Variants in DDX53 observed in about 807,000 individuals in gnomAD.
DDX53 encodes DEAD-box helicase 53.
For synonymous variants in DDX53, 179 were observed against 170.8 expected, an observed-to-expected ratio of 1.05 and a Z score of -0.37; for missense variants, 481 against 485.1, an observed-to-expected ratio of 0.99 and a Z score of 0.08.
In DDX53 at chrX:23,001,200, G is replaced by T. The variant is rs5925720; in HGVS notation, c.1143G>T (p.Met381Ile). 150,317 of 1,209,264 alleles carry T rather than the reference G, an allele frequency of 0.12. 7,139 individuals carry two copies. The highest frequency in any genetic ancestry group is 0.33 in the South Asian group (18,579 of 56,656). The change falls in exon 1 of 1, where the codon ATG (methionine) becomes ATT (isoleucine). Residue 381 changes from methionine to isoleucine, a missense_variant. Physicochemically the swap from Met to Ile is conservative, Grantham distance 10 (BLOSUM62 1). Coordinates refer to ENST00000327968, the MANE Select transcript of DDX53 (RefSeq NM_182699.4). ...TYLVIDEADKMLDMEFEPQIR... is the reference protein window; with the variant it reads ...TYLVIDEADKILDMEFEPQIR... Reference sequence around the variant, plus strand: ...TGGTTATAGATGAGGCAGATAAAATGCTGGATATGGAATTTGAACCCCAGA... The same window carrying T: ...TGGTTATAGATGAGGCAGATAAAATTCTGGATATGGAATTTGAACCCCAGA...
Position 23,000,869 on chromosome X carries a change from G to A in DDX53, c.812G>A (p.Gly271Glu), listed in dbSNP as rs1057518429. The A allele has an allele frequency of 2.5e-6, 3 of 1,209,401 alleles. No homozygotes were observed. The highest frequency in any genetic ancestry group is 2.2e-5 in the Admixed American group (1 of 45,697). ...ATAGTAGTTGCACAAACCGGAACAGGGAAAACATTGTCCTATCTAATGCCT... is the reference window on the plus strand; with the variant it reads ...ATAGTAGTTGCACAAACCGGAACAGAGAAAACATTGTCCTATCTAATGCCT... ...DLIVVAQTGT[G>E]KTLSYLMPGF... is the part of the protein sequence containing the mutation. Residue 271 changes from glycine (G) to glutamate (E), a missense_variant, in exon 1 of 1, where the codon GGG (glycine) becomes GAG (glutamate). Gly to Glu is a moderately conservative substitution (Grantham distance 98). Transcript: ENST00000327968.
Position 23,001,867 on chromosome X carries a change from T to C in DDX53, c.1810T>C (p.Tyr604His). The change falls in exon 1 of 1, where the codon TAC becomes CAC. Residue 604 changes from tyrosine to histidine, a missense_variant. Tyr to His is a moderately conservative substitution (Grantham distance 83). Transcript: ENST00000327968. ...PEDLVVMAEQ[Y>H]KLNQQKRHRE... ...AGATCTTGTAGTAATGGCTGAGCAA[T>C]ACAAGTTAAATCAACAAAAGAGGCA... is the stretch of plus-strand genomic sequence containing the variant. 1.7e-6 allele frequency: 2 copies of C among 1,210,274 alleles called. No individual in the cohort carries two copies. The highest frequency in any genetic ancestry group is 2.2e-6 in the Non-Finnish European group (2 of 894,957).
In DDX53 at chrX:23,002,651, C is replaced by G. The variant is rs971654630; in HGVS notation, c.*698C>G. The G allele has an allele frequency of 1.2e-4, 14 of 115,929 alleles. No individual in the cohort carries two copies. The highest frequency in any genetic ancestry group is 2.7e-4 in the Non-Finnish European group (14 of 51,620). The allele number at this position is 115,929 out of a possible 1,213,427, so 9.6% of individuals were successfully genotyped here. On this transcript the variant is annotated 3_prime_UTR_variant, in exon 1 of 1. Transcript: ENST00000327968. ...CGTGTCATGGGGGTTTATCAACTTT[C>G]AATATTGTGTATGTTCCTTAATTTT...
chrX:23,001,108 G>T lies in DDX53; in HGVS notation c.1051G>T (p.Ala351Ser), dbSNP rs1933803414. ...DISKGVDIII[A>S]TPGRLNDLQM... ...TAGCAAAGGTGTAGATATCATTATT[G>T]CAACTCCTGGGAGGCTGAATGACCT... is the stretch of plus-strand genomic sequence containing the variant. Residue 351 changes from alanine (A) to serine (S), a missense_variant, in exon 1 of 1, where the codon GCA (alanine) becomes TCA (serine). Physicochemically the swap from Ala to Ser is moderately conservative, Grantham distance 99 (BLOSUM62 1). Coordinates refer to ENST00000327968, the MANE Select transcript of DDX53 (RefSeq NM_182699.4). 1 of 1,208,029 alleles carries T rather than the reference G, an allele frequency of 8.3e-7. No individual in the cohort carries two copies. The highest frequency in any genetic ancestry group is 1.8e-5 in the African/African-American group (1 of 56,901).
In DDX53 at chrX:23,000,730, G is replaced by T. The variant is rs1933796007; in HGVS notation, c.673G>T (p.Asp225Tyr). 1 of 1,211,772 alleles carries T rather than the reference G, an allele frequency of 8.3e-7. No homozygotes were observed. Among genetic ancestry groups the T allele is most frequent in the Non-Finnish European group, 1.1e-6 (1 of 895,457 alleles). Residue 225 changes from aspartate (D) to tyrosine (Y), a missense_variant, in exon 1 of 1, where the codon GAC becomes TAC. Physicochemically the swap from Asp to Tyr is radical, Grantham distance 160. Transcript: ENST00000327968. Reference sequence around the variant, plus strand: ...TCCAAAACCAACTTGCAGGTTTAAAGACGCTTTTCAGCAATACCCTGATCT... The same window carrying T: ...TCCAAAACCAACTTGCAGGTTTAAATACGCTTTTCAGCAATACCCTGATCT... Reference protein sequence around the residue: ...LIPKPTCRFKDAFQQYPDLLK... With the variant: ...LIPKPTCRFKYAFQQYPDLLK...
Position 23,002,024 on chromosome X carries a change from G to A in DDX53, c.*71G>A. On this transcript the variant is annotated 3_prime_UTR_variant, in exon 1 of 1. Transcript: ENST00000327968. ...TGCAGTATTGAATATATGTAAGGAAGTATTGGAAACATACTAGCCATTTGA... is the reference window on the plus strand; with the variant it reads ...TGCAGTATTGAATATATGTAAGGAAATATTGGAAACATACTAGCCATTTGA... 2 of 892,552 alleles carry A rather than the reference G, an allele frequency of 2.2e-6. No homozygotes were observed. The highest frequency in any genetic ancestry group is 3.0e-6 in the Non-Finnish European group (2 of 657,157). 73.6% of individuals were successfully genotyped at this position (892,552 alleles called of 1,213,427 possible).
Position 23,001,551 on chromosome X carries a change from T to C in DDX53, c.1494T>C (p.His498=), listed in dbSNP as rs773992913. Reference sequence around the variant, plus strand: ...AAGGCATATCTGCAGAATCATTACATGGCAACAGTGAACAGAGTGATCAAG... The same window carrying C: ...AAGGCATATCTGCAGAATCATTACACGGCAACAGTGAACAGAGTGATCAAG... ...NIQGISAESL[H]GNSEQSDQER... Residue 498 remains histidine, a synonymous_variant, in exon 1 of 1, where the codon CAT becomes CAC. Coordinates refer to ENST00000327968, the MANE Select transcript of DDX53 (RefSeq NM_182699.4). The C allele has an allele frequency of 5.0e-5, 60 of 1,209,790 alleles. No homozygotes were observed. Among genetic ancestry groups the C allele is most frequent in the Non-Finnish European group, 6.3e-5 (56 of 895,092 alleles).
In DDX53 at chrX:23,001,918, G is replaced by A. The variant is rs1350097819; in HGVS notation, c.1861G>A (p.Gly621Arg). 4.2e-6 allele frequency: 5 copies of A among 1,195,756 alleles called. No homozygotes were observed. Among genetic ancestry groups the A allele is most frequent in the Non-Finnish European group, 5.6e-6 (5 of 890,219 alleles). ...RHRETRSRKP[G>R]QRRKEFYFLS is the part of the protein sequence containing the mutation. ...CAGAGAAACACGATCAAGAAAACCT[G>A]GACAAAGACGCAAGGAGTTTTATTT... The change falls in exon 1 of 1, where the codon GGA becomes AGA. Residue 621 changes from glycine to arginine, a missense_variant. Coordinates refer to ENST00000327968, the MANE Select transcript of DDX53 (RefSeq NM_182699.4).
Position 23,001,586 on chromosome X carries a change from T to C in DDX53, c.1529T>C (p.Val510Ala), listed in dbSNP as rs775466913. 1 of 1,210,570 alleles carries C rather than the reference T, an allele frequency of 8.3e-7. No individual in the cohort carries two copies. Among genetic ancestry groups the C allele is most frequent in the Non-Finnish European group, 1.1e-6 (1 of 894,987 alleles). ...NSEQSDQERAVEDFKSGNIKI... is the reference protein window; with the variant it reads ...NSEQSDQERAAEDFKSGNIKI... The stretch of plus-strand genomic sequence containing the variant: ...GAACAGAGTGATCAAGAGCGAGCAG[T>C]AGAGGACTTTAAAAGCGGAAACATA... Residue 510 changes from valine (V) to alanine (A), a missense_variant, in exon 1 of 1, where the codon GTA (valine) becomes GCA (alanine). Val to Ala is a moderately conservative substitution (Grantham distance 64). Coordinates refer to ENST00000327968, the MANE Select transcript of DDX53 (RefSeq NM_182699.4).
chrX:23,000,378 G>A lies in DDX53; in HGVS notation c.321G>A (p.Ala107=), dbSNP rs1933788570. 2.5e-6 allele frequency: 3 copies of A among 1,206,565 alleles called. No individual in the cohort carries two copies. The African/African-American group carries it at 5.3e-5, about 21-fold the overall frequency. The change falls in exon 1 of 1, where the codon GCG becomes GCA. Residue 107 remains alanine, a synonymous_variant. Transcript: ENST00000327968. ...GGGAAATGAAAGCAAAGGCCAAAGCGGCTATAGAAACACTTATTAGAAAAC... is the reference window on the plus strand; with the variant it reads ...GGGAAATGAAAGCAAAGGCCAAAGCAGCTATAGAAACACTTATTAGAAAAC... ...GNREMKAKAK[A]AIETLIRKQE...
Position 23,001,926 on chromosome X carries a change from A to C in DDX53, c.1869A>C (p.Arg623Ser), listed in dbSNP as rs779685021. The C allele has an allele frequency of 5.7e-5, 68 of 1,191,052 alleles. No homozygotes were observed. The highest frequency in any genetic ancestry group is 7.2e-5 in the Non-Finnish European group (64 of 888,380). ...RETRSRKPGQ[R>S]RKEFYFLS Reference sequence around the variant, plus strand: ...CACGATCAAGAAAACCTGGACAAAGACGCAAGGAGTTTTATTTTTTAAGTT... The same window carrying C: ...CACGATCAAGAAAACCTGGACAAAGCCGCAAGGAGTTTTATTTTTTAAGTT... The change falls in exon 1 of 1, where the codon AGA (arginine) becomes AGC (serine). Residue 623 changes from arginine to serine, a missense_variant. Coordinates refer to ENST00000327968, the MANE Select transcript of DDX53 (RefSeq NM_182699.4).
In DDX53 at chrX:23,001,069, C is replaced by A; in HGVS notation, c.1012C>A (p.Gln338Lys). The change falls in exon 1 of 1, where the codon CAA becomes AAA. Residue 338 changes from glutamine to lysine, a missense_variant. Gln to Lys is a moderately conservative substitution (Grantham distance 53). Transcript: ENST00000327968. Reference protein sequence around the residue: ...CIYGGRNRNGQIEDISKGVDI... With the variant: ...CIYGGRNRNGKIEDISKGVDI... ...ATATGGTGGTAGAAACAGAAATGGA[C>A]AAATAGAAGACATTAGCAAAGGTGT... is the stretch of plus-strand genomic sequence containing the variant. 8.3e-7 allele frequency: 1 copy of A among 1,207,456 alleles called. No homozygotes were observed. Among genetic ancestry groups the A allele is most frequent in the Non-Finnish European group, 1.1e-6 (1 of 893,988 alleles).
chrX:23,000,537 C>T lies in DDX53; in HGVS notation c.480C>T (p.Val160=), dbSNP rs749049454. The T allele has an allele frequency of 5.8e-6, 7 of 1,210,963 alleles. No individual in the cohort carries two copies. The highest frequency in any genetic ancestry group is 7.8e-6 in the Non-Finnish European group (7 of 895,303). ...LSNWDRIRAA[V]VECEKRKWAD... ...ATTGGGATCGCATTAGGGCAGCAGT[C>T]GTGGAGTGCGAAAAGAGAAAATGGG... Residue 160 remains valine, a synonymous_variant, in exon 1 of 1, where the codon GTC becomes GTT. Transcript: ENST00000327968.
rs1450097970 is a variant in DDX53 at position 23,001,720 on chromosome X, G to A, written c.1663G>A (p.Val555Ile). Reference protein sequence around the residue: ...PRNIDVYVHRVGYIGRTGKTG... With the variant: ...PRNIDVYVHRIGYIGRTGKTG... ...GAATATTGACGTATATGTACACAGA[G>A]TAGGGTACATTGGACGGACAGGAAA... The change falls in exon 1 of 1, where the codon GTA (valine) becomes ATA (isoleucine). Residue 555 changes from valine to isoleucine, a missense_variant. Coordinates refer to ENST00000327968, the MANE Select transcript of DDX53 (RefSeq NM_182699.4). 1 of 1,209,345 alleles carries A rather than the reference G, an allele frequency of 8.3e-7. No individual in the cohort carries two copies. The highest frequency in any genetic ancestry group is 2.2e-5 in the Admixed American group (1 of 46,036).
Position 23,001,479 on chromosome X carries a change from C to T in DDX53, c.1422C>T (p.Val474=), listed in dbSNP as rs781598715. The T allele has an allele frequency of 8.3e-7, 1 of 1,211,292 alleles. No individual in the cohort carries two copies. Among genetic ancestry groups the T allele is most frequent in the South Asian group, 1.8e-5 (1 of 56,839 alleles). The change falls in exon 1 of 1, where the codon GTC becomes GTT. Residue 474 remains valine, a synonymous_variant. Coordinates refer to ENST00000327968, the MANE Select transcript of DDX53 (RefSeq NM_182699.4). ...MSPNDKVIMF[V]SQKHIADDLS... ...CCAACGACAAAGTCATCATGTTTGT[C>T]AGCCAAAAACATATTGCTGATGACT...
rs1241604311 is a variant in DDX53 at position 23,000,886 on chromosome X, C to G, written c.829C>G (p.Leu277Val). 27 of 1,209,040 alleles carry G rather than the reference C, an allele frequency of 2.2e-5. No homozygotes were observed. Among genetic ancestry groups the G allele is most frequent in the Non-Finnish European group, 2.9e-5 (26 of 894,788 alleles). ...QTGTGKTLSY[L>V]MPGFIHLDSQ... ...CGGAACAGGGAAAACATTGTCCTAT[C>G]TAATGCCTGGGTTTATTCATCTTGA... Residue 277 changes from leucine (L) to valine (V), a missense_variant, in exon 1 of 1, where the codon CTA becomes GTA. By Grantham distance (32) the Leu-to-Val change is conservative. Coordinates refer to ENST00000327968, the MANE Select transcript of DDX53 (RefSeq NM_182699.4).
In DDX53 at chrX:23,003,567, A is replaced by T. The variant is rs1228942962; in HGVS notation, c.*1614A>T. On this transcript the variant is annotated 3_prime_UTR_variant, in exon 1 of 1. Transcript: ENST00000327968. ...AAATTGCATCCTTGTATAATTGAAT[A>T]AAACAATCCTTTTCAATGACAAGAA... The T allele has an allele frequency of 8.1e-6, 1 of 123,918 alleles. No homozygotes were observed. Among genetic ancestry groups the T allele is most frequent in the Non-Finnish European group, 1.9e-5 (1 of 53,436 alleles). 10.2% of individuals were successfully genotyped at this position (123,918 alleles called of 1,213,427 possible). A position where few individuals can be genotyped will look rare whatever the true frequency, so the allele number is the denominator to read the frequency against.
rs1461434408 is a variant in DDX53 at position 23,000,483 on chromosome X, C to T, written c.426C>T (p.Asp142=). 1.7e-6 allele frequency: 2 copies of T among 1,210,094 alleles called. No homozygotes were observed. The highest frequency in any genetic ancestry group is 3.0e-5 in the East Asian group (1 of 33,765). Residue 142 remains aspartate, a synonymous_variant, in exon 1 of 1, where the codon GAC becomes GAT. Coordinates refer to ENST00000327968, the MANE Select transcript of DDX53 (RefSeq NM_182699.4). The stretch of plus-strand genomic sequence containing the variant: ...TTGGAAGAAATCTAGGCAGAAATGA[C>T]ATTGTTGGAGAAGCTGAGCCATTGT... ...TPIGRNLGRN[D]IVGEAEPLSN...
rs764587838 is a variant in DDX53, at chrX:23,001,713, A to G, written c.1656A>G (p.Val552=). Residue 552 remains valine (V), a synonymous_variant, in exon 1 of 1, where the codon GTA becomes GTG. Coordinates refer to ENST00000327968, the MANE Select transcript of DDX53 (RefSeq NM_182699.4). The part of the protein sequence containing the change: ...YDFPRNIDVY[V]HRVGYIGRTG... ...TCCCAAGGAATATTGACGTATATGT[A>G]CACAGAGTAGGGTACATTGGACGGA... is the stretch of plus-strand genomic sequence containing the variant. 4.1e-6 allele frequency: 5 copies of G among 1,211,264 alleles called. No individual in the cohort carries two copies. The highest frequency in any genetic ancestry group is 5.6e-6 in the Non-Finnish European group (5 of 895,044).
Sources: allele counts gnomAD v4.1 joint callset, GRCh38; gene constraint gnomAD v4.1.1; transcripts MANE v1.5; gene names NCBI Gene and HGNC (gene_info 2026-07-23, HGNC 2026-07-21).